GDPD1: variants seen among roughly 807,000 people sequenced by gnomAD.
GDPD1 encodes the protein lysophospholipase D GDPD1.
A neutral mutation model predicts 45.1 loss-of-function variants in GDPD1; 28 were observed. The ratio of observed to expected loss-of-function variants is 0.62; its 90% confidence interval spans 0.46 to 0.85. The LOEUF is 0.85. Among genes scored for constraint, GDPD1 ranks in the 40% least tolerant of loss-of-function variants. The pLI is 0.00. For missense variants in GDPD1, 256 were observed against 364.8 expected, an observed-to-expected ratio of 0.70 and a Z score of 2.43; for synonymous variants, 139 against 131.4, an observed-to-expected ratio of 1.06 and a Z score of -0.40.
chr17:59,221,014 G>A (rs1463125843), intron 1 of GDPD1, among the ~76,000 whole-genome samples: 2 of 152,076 alleles, frequency 1.3e-5, no homozygotes, highest in African/African-American at 2.4e-5. Flanking sequence ...GGAAAGACAC[G>A]GTCGAGAATG....
intron 4 of GDPD1, among the ~76,000 whole-genome samples, chr17:59,253,711 G>A (rs981522141): frequency 6.6e-6 from 1 of 152,046 alleles, no homozygotes; most frequent in Non-Finnish European, 1.5e-5. Context: ...CCCACACCGT[G>A]ACAAAAAGGC....
Position 59,272,099 on chromosome 17 carries a change from A to G in GDPD1, c.771-686A>G, listed in dbSNP as rs1346684359. 2.6e-4 allele frequency among the ~76,000 whole-genome samples: 40 copies of G among 151,626 alleles called. 1 individual carries two copies. Among genetic ancestry groups the G allele is most frequent in the Non-Finnish European group, 8.8e-5 (6 of 67,960 alleles). On this transcript the variant is annotated intron_variant, in intron 8 of 9. Transcript: ENST00000284116. ...GCATTTTTTTTCTTTTTTCAACCCT[A>G]TTAACTGACAAGATGCATTGTTAAT...
chr17:59,222,890 G>A (rs982801231), intron 1 of GDPD1, among the ~76,000 whole-genome samples: 1 of 152,074 alleles, frequency 6.6e-6, no homozygotes, highest in African/African-American at 2.4e-5. Flanking sequence ...GTTGTTTACC[G>A]ATTTACAAAA....
At chr17:59,272,904 A>G in intron 9 of GDPD1, 68 bp downstream of exon 9, 1 of 1,612,348 alleles carries the variant, frequency 6.2e-7, no homozygotes, top group Non-Finnish European at 8.5e-7. Flanking sequence ...TATAAAGGGC[A>G]AGAACTTTTA....
chr17:59,234,611 C>A, intron 2 of GDPD1, 77 bp downstream of exon 2: 2 of 933,242 alleles, frequency 2.1e-6, no homozygotes, highest in Non-Finnish European at 3.5e-6. Flanking sequence ...TGATGATCCA[C>A]AAAGTGAGGA....
chr17:59,265,671 G>A (rs1597991025), intron 6 of GDPD1, among the ~76,000 whole-genome samples: 1 of 152,000 alleles, frequency 6.6e-6, no homozygotes, highest in East Asian at 1.9e-4. Context: ...GCTGAGGCAG[G>A]TGGATTGCTT....
chr17:59,236,143 C>T (rs2047130528), intron 2 of GDPD1, among the ~76,000 whole-genome samples: 1 of 151,896 alleles, frequency 6.6e-6, no homozygotes, highest in Non-Finnish European at 1.5e-5. Flanking sequence ...TTTTACCAAC[C>T]ACCATTATTT....
intron 1 of GDPD1, among the ~76,000 whole-genome samples, chr17:59,228,858 C>CTG (rs2047067015): frequency 1.3e-5 from 2 of 149,136 alleles, no homozygotes; most frequent in Non-Finnish European, 1.5e-5. Flanking sequence ...CCAGCCTGGG[C>CTG]AACAGAGTGA....
At chr17:59,254,617 T>C (rs192810545) in intron 4 of GDPD1, among the ~76,000 whole-genome samples, 2 of 152,304 alleles carry the variant, frequency 1.3e-5, no homozygotes, top group African/African-American at 4.8e-5. Context: ...GTTTAAACTC[T>C]TTCAGTTATA....
At chr17:59,255,450 A>C (rs962149580) in intron 4 of GDPD1, among the ~76,000 whole-genome samples, 5 of 151,230 alleles carry the variant, frequency 3.3e-5, no homozygotes, top group African/African-American at 1.2e-4. Flanking sequence ...AAAAAATAAA[A>C]TAAACAATAG....
chr17:59,248,549 A>G (rs1315181614), intron 3 of GDPD1, among the ~76,000 whole-genome samples, 191 bp from the exon 4 acceptor site: 5 of 152,102 alleles, frequency 3.3e-5, no homozygotes, highest in Non-Finnish European at 7.4e-5. Flanking sequence ...TAGTACAGAT[A>G]TATTTTTTGT....
chr17:59,262,967 C>T (rs1352657417), intron 6 of GDPD1, among the ~76,000 whole-genome samples: 2 of 152,022 alleles, frequency 1.3e-5, no homozygotes, highest in Non-Finnish European at 2.9e-5. Flanking sequence ...TTACATGAAT[C>T]TATACATGGG....
intron 2 of GDPD1, among the ~76,000 whole-genome samples, chr17:59,240,151 C>T (rs999664115): frequency 2.6e-5 from 4 of 151,870 alleles, no homozygotes; most frequent in African/African-American, 4.8e-5. Flanking sequence ...AATTAGTTGG[C>T]GTGGTGATGC....
At chr17:59,240,687 T>C (rs1272727534) in intron 2 of GDPD1, among the ~76,000 whole-genome samples, 1 of 152,184 alleles carries the variant, frequency 6.6e-6, no homozygotes, top group African/African-American at 2.4e-5. Context: ...CCCAGGCTTG[T>C]CTCCAACTCC....
Position 59,275,173 on chromosome 17 carries a change from A to G in GDPD1, c.*1400A>G. ...AGAAATTTTGAAGGCCATTGCAGCT[A>G]TTTGGTAGTGTCTTGTTATTTCTAG... On this transcript the variant is annotated 3_prime_UTR_variant, in exon 10 of 10. Coordinates refer to ENST00000284116, the MANE Select transcript of GDPD1 (RefSeq NM_182569.4). The G allele has an allele frequency of 1.3e-6, 2 of 1,537,310 alleles. No individual in the cohort carries two copies. Among genetic ancestry groups the G allele is most frequent in the African/African-American group, 2.7e-5 (2 of 73,156 alleles).
At chr17:59,234,450 T>G in intron 1 of GDPD1, 42 bp from the exon 2 acceptor site, 3 of 1,275,862 alleles carry the variant, frequency 2.4e-6, no homozygotes, top group East Asian at 2.3e-5. Context: ...TCAGGAAAAT[T>G]AAAATGTTCA....
chr17:59,228,472 A>G (rs1022762027), intron 1 of GDPD1, among the ~76,000 whole-genome samples: 2 of 152,218 alleles, frequency 1.3e-5, no homozygotes, highest in African/African-American at 4.8e-5. Context: ...AGAGCTATGC[A>G]TAAGAGACTA....
intron 7 of GDPD1, among the ~76,000 whole-genome samples, 164 bp downstream of exon 7, chr17:59,267,338 T>A (rs1271538931): frequency 6.6e-6 from 1 of 152,182 alleles, no homozygotes; most frequent in Non-Finnish European, 1.5e-5. Context: ...TAAGACACAT[T>A]CTCTAAAACA....
At chr17:59,252,119 G>A (rs967429792) in intron 4 of GDPD1, among the ~76,000 whole-genome samples, 4 of 141,610 alleles carry the variant, frequency 2.8e-5, no homozygotes, top group South Asian at 2.3e-4. Flanking sequence ...GGCTGGGCAC[G>A]GTGGCTCACA....
Sources: allele counts gnomAD v4.1 joint callset (sites outside exome capture counted in the v4.1 genomes callset), GRCh38; gene constraint gnomAD v4.1.1; transcripts MANE v1.5; gene names NCBI Gene and HGNC (gene_info 2026-07-23, HGNC 2026-07-21).